MIB2: variants seen among roughly 807,000 people sequenced by gnomAD.
MIB2 encodes E3 ubiquitin-protein ligase MIB2.
A neutral mutation model predicts 96.6 loss-of-function variants in MIB2; 78 were observed. The ratio of observed to expected loss-of-function variants is 0.81; its 90% CI spans 0.67 to 0.97. The LOEUF is 0.97. Among genes scored for constraint, MIB2 ranks in the 50% least tolerant of loss-of-function variants. The pLI, the probability that MIB2 is intolerant of heterozygous loss-of-function variation, is 0.00. For synonymous variants in MIB2, 820 were observed against 629.5 expected (o/e 1.30, Z -4.53); for missense variants, 1,543 against 1,424.0 (o/e 1.08, Z -1.35).
At position 1,623,582 on chromosome 1, in the gene MIB2, A is replaced by G. The variant is rs1026784707; in HGVS notation, c.130A>G (p.Ser44Gly). ...GGTGGTGGAGCTTGGCCGCCACGGC[A>G]GCCCCTCGACACCCGACCGCACAGT... ...GTVVELGRHG[S>G]PSTPDRTVVV... The change falls in exon 3 of 20, where the codon AGC becomes GGC. Residue 44 changes from serine to glycine, a missense_variant. Transcript: ENST00000355826. 3.3e-6 allele frequency: 5 copies of G among 1,513,864 alleles called. No homozygotes were observed. Among genetic ancestry groups the G allele is most frequent in the African/African-American group, 2.8e-5 (2 of 71,812 alleles). The allele number at this position is 1,513,864 out of a possible 1,614,324, so 93.8% of individuals were successfully genotyped here. A position where few individuals can be genotyped will look rare whatever the true frequency, so the allele number is the denominator to read the frequency against.
intron 2 of MIB2, among the ~76,000 whole-genome samples, chr1:1,619,643 A>G (rs1225788083): frequency 6.6e-6 from 1 of 152,162 alleles, no homozygotes; most frequent in Non-Finnish European, 1.5e-5. Context: ...CCGGGTCTAC[A>G]GGCCCCTGTG....
chr1:1,624,822 C>T lies in MIB2; in HGVS notation c.447C>T (p.Leu149=). Residue 149 remains leucine, a synonymous_variant, in exon 5 of 20, where the codon CTC becomes CTT. Coordinates refer to ENST00000355826, the MANE Select transcript of MIB2 (RefSeq NM_001170687.4). ...TCACACTGAGTCCCCGCCAGGGCCTCCCGAGGATCCCACTAAGGGGCATCT... is the reference window on the plus strand; with the variant it reads ...TCACACTGAGTCCCCGCCAGGGCCTTCCGAGGATCCCACTAAGGGGCATCT... The part of the protein sequence containing the change: ...RPVTLSPRQG[L]PRIPLRGIFQ... The T allele has an allele frequency of 6.2e-7, 1 of 1,613,050 alleles. No homozygotes were observed.
In MIB2 at chr1:1,623,574, G is replaced by C. The variant is rs763099461; in HGVS notation, c.122G>C (p.Arg41Pro). The change falls in exon 3 of 20, where the codon CGC (arginine) becomes CCC (proline). Residue 41 changes from arginine to proline, a missense_variant. Physicochemically the swap from Arg to Pro is moderately radical, Grantham distance 103. Transcript: ENST00000355826. ...GTGGGCACGGTGGTGGAGCTTGGCC[G>C]CCACGGCAGCCCCTCGACACCCGAC... Reference protein sequence around the residue: ...GGVGTVVELGRHGSPSTPDRT... With the variant: ...GGVGTVVELGPHGSPSTPDRT... The C allele has an allele frequency of 6.6e-7, 1 of 1,515,840 alleles. No individual in the cohort carries two copies. Among genetic ancestry groups the C allele is most frequent in the Non-Finnish European group, 8.8e-7 (1 of 1,132,782 alleles). 93.9% of individuals were successfully genotyped at this position (1,515,840 alleles called of 1,614,324 possible). A position where few individuals can be genotyped will look rare whatever the true frequency, so the allele number is the denominator to read the frequency against.
rs554441765 is a variant in MIB2, at chr1:1,628,460, G to A, written c.1969-29G>A. The A allele has an allele frequency of 2.1e-5, 34 of 1,597,430 alleles. 1 individual carries two copies. In the South Asian group the frequency reaches 2.8e-4, roughly 13 times the overall value. On this transcript the variant is annotated intron_variant, in intron 15 of 19. Coordinates refer to ENST00000355826, the MANE Select transcript of MIB2 (RefSeq NM_001170687.4). The stretch of plus-strand genomic sequence containing the variant: ...GAGCGGGAGGCCCACTGGGGTCCCT[G>A]GGCTGAGCCCGTCCCCACCCCTCCC...
Position 1,625,155 on chromosome 1 carries a change from T to A in MIB2, c.691T>A (p.Phe231Ile). The A allele has an allele frequency of 6.2e-7, 1 of 1,612,346 alleles. No individual in the cohort carries two copies. The highest frequency in any genetic ancestry group is 1.1e-5 in the South Asian group (1 of 91,044). The stretch of plus-strand genomic sequence containing the variant: ...GTGTGTGGGCGAGGCAGCGGGCGGC[T>A]TCTACTACAAGGACCACCTCCCAAG... ...LKCVGEAAGG[F>I]YYKDHLPRLG... is the part of the protein sequence containing the mutation. The change falls in exon 6 of 20, where the codon TTC (phenylalanine) becomes ATC (isoleucine). Residue 231 changes from phenylalanine (F) to isoleucine (I), a missense_variant. By Grantham distance (21) the Phe-to-Ile change is conservative. Coordinates refer to ENST00000355826, the MANE Select transcript of MIB2 (RefSeq NM_001170687.4). The surrounding 1 kb of genome is among the most constrained non-coding windows in gnomAD (Gnocchi z 5.0).
chr1:1,624,139 C>A (rs758725920), intron 4 of MIB2, 194 bp downstream of exon 4: 12 of 640,844 alleles, frequency 1.9e-5, no homozygotes, highest in Non-Finnish European at 3.1e-5. Context: ...CTACAGGCAG[C>A]AGTGGCCATC....
At chr1:1,616,096 G>A in intron 1 of MIB2, 1 of 984,290 alleles carries the variant, frequency 1.0e-6, no homozygotes, top group Non-Finnish European at 1.2e-6. Context: ...AGTTGGGGTC[G>A]GCAGGTACTG....
At position 1,628,642 on chromosome 1, in the gene MIB2, G is replaced by A. The variant is rs1256430021; in HGVS notation, c.2122G>A (p.Ala708Thr). The change falls in exon 16 of 20, where the codon GCG becomes ACG. Residue 708 changes from alanine to threonine, a missense_variant. Ala to Thr is a moderately conservative substitution (Grantham distance 58). Transcript: ENST00000355826. ...DEEGDTALHV[A>T]LQRHQLLPLV... ...GGAGGGGGACACAGCCCTGCACGTG[G>A]CGCTGCAGCGTCATCAGCTGCTGCC... The A allele has an allele frequency of 1.9e-6, 3 of 1,594,098 alleles. No individual in the cohort carries two copies. The East Asian group carries it at 6.8e-5, about 36-fold the overall frequency.
At chr1:1,618,121 GTC>G (rs1452301180) in intron 2 of MIB2, 1 of 152,720 alleles carries the variant, frequency 6.5e-6, no homozygotes, top group Non-Finnish European at 1.5e-5. Context: ...GGCTGTGGCT[GTC>G]TCTGGTTTGT....
Position 1,622,441 on chromosome 1 carries a change from G to T in MIB2, c.-22-990G>T, listed in dbSNP as rs116649553. Reference sequence around the variant, plus strand: ...CACGTCTGCAGAGTGAGCTCTCGGGGGTCAGCGCCCAGACTGGGGATTAGC... The same window carrying T: ...CACGTCTGCAGAGTGAGCTCTCGGGTGTCAGCGCCCAGACTGGGGATTAGC... On this transcript the variant is annotated intron_variant, in intron 2 of 19. Coordinates refer to ENST00000355826, the MANE Select transcript of MIB2 (RefSeq NM_001170687.4). Among the ~76,000 whole-genome samples, 5 of 152,222 alleles carry T rather than the reference G, an allele frequency of 3.3e-5. No homozygotes were observed. In the East Asian group the frequency reaches 9.6e-4, roughly 29 times the overall value.
At position 1,624,970 on chromosome 1, in the gene MIB2, TG is replaced by T. The variant is rs761916274; in HGVS notation, c.527-14del. 5 of 1,607,942 alleles carry T rather than the reference TG, an allele frequency of 3.1e-6. No individual in the cohort carries two copies. In the South Asian group the frequency reaches 3.3e-5, roughly 11 times the overall value. On this transcript the variant is annotated intron_variant, in intron 5 of 19. Transcript: ENST00000355826. ...GGCTCATGGCTCAGCCTTAGCCTGC[TG>T]GGGGGGCCTCTTTCCCCAGGAGGGG...
chr1:1,628,966 C>G (rs562922542), intron 16 of MIB2, 167 bp from the exon 17 acceptor site: 16 of 777,776 alleles, frequency 2.1e-5, no homozygotes, highest in Admixed American at 3.5e-5. Context: ...CAGAGCTCAC[C>G]TAGCAGGGCG....
Position 1,628,545 on chromosome 1 carries a change from C to G in MIB2, c.2025C>G (p.Ala675=), listed in dbSNP as rs753391471. The change falls in exon 16 of 20, where the codon GCC becomes GCG. Residue 675 remains alanine (A), a synonymous_variant. Transcript: ENST00000355826. Reference sequence around the variant, plus strand: ...AGCTGCAGTCCCCGCTGCATCTCGCCGTGCAACAGGCCCACGTGGGGCTGG... The same window carrying G: ...AGCTGCAGTCCCCGCTGCATCTCGCGGTGCAACAGGCCCACGTGGGGCTGG... ...NRKLQSPLHL[A]VQQAHVGLVP... 1.7e-5 allele frequency: 27 copies of G among 1,601,594 alleles called. No homozygotes were observed. Among genetic ancestry groups the G allele is most frequent in the South Asian group, 3.3e-5 (3 of 90,706 alleles).
chr1:1,624,242 C>A (rs529826836), intron 4 of MIB2: 1 of 489,122 alleles, frequency 2.0e-6, no homozygotes, highest in African/African-American at 1.9e-5. Context: ...GGCTGCTGCG[C>A]TCTGGTCCGA....
At chr1:1,618,310 TAGG>T (rs1569599531) in intron 2 of MIB2, 1 of 152,084 alleles carries the variant, frequency 6.6e-6, no homozygotes. Flanking sequence ...AACAGAAAAA[TAGG>T]AGGGGGCAAC....
chr1:1,630,238 T>G, intron 19 of MIB2, 54 bp from the exon 20 acceptor site: 1 of 217,810 alleles, frequency 4.6e-6, no homozygotes, highest in Non-Finnish European at 6.8e-6. Flanking sequence ...AGCTCCCTGC[T>G]CCCCGCATTC....
In MIB2 at chr1:1,628,111, C is replaced by T. The variant is rs780345639; in HGVS notation, c.1773C>T (p.Ile591=). 6.8e-6 allele frequency: 11 copies of T among 1,613,240 alleles called. No homozygotes were observed. In the East Asian group the frequency reaches 8.9e-5, roughly 13 times the overall value. The stretch of plus-strand genomic sequence containing the variant: ...AGGTCCTCACGGAGGTGCCAAACAT[C>T]GATGTTACCGCCACCAACAGCCAGG... ...IVEVLTEVPN[I]DVTATNSQGF... is the part of the protein sequence containing the mutation. Residue 591 remains isoleucine, a synonymous_variant, in exon 14 of 20, where the codon ATC becomes ATT. Transcript: ENST00000355826.
At position 1,628,052 on chromosome 1, in the gene MIB2, ATC is replaced by A; in HGVS notation, c.1717_1718del (p.Ser573GlyfsTer87). The A allele has an allele frequency of 6.2e-7, 1 of 1,613,018 alleles. No homozygotes were observed. ...AHSDTPLHSA[I>X]SAGTGASGIV... ...CTCGGACACGCCCCTGCACTCCGCC[ATC>A]TCGGCGGGCACTGGAGCCAGCGGCA... On this transcript the variant is annotated frameshift_variant, in exon 14 of 20. Transcript: ENST00000355826. LOFTEE classifies it high-confidence loss of function.
Position 1,629,291 on chromosome 1 carries a change from GGGCTGCGCCCAGCGCTTCC to G in MIB2, c.2364_2381+1del. ...AGGGTCGCGTGCTCAAGGCCCTTCA[GGGCTGCGCCCAGCGCTTCC>G]GGTGAGTCCGTGGACGGCGGGGATG... On this transcript the variant is annotated frameshift_variant and splice_region_variant, in exon 17 of 20. Transcript: ENST00000355826. LOFTEE classifies it high-confidence loss of function. 1 of 1,518,458 alleles carries G rather than the reference GGGCTGCGCCCAGCGCTTCC, an allele frequency of 6.6e-7. No homozygotes were observed. Among genetic ancestry groups the G allele is most frequent in the Non-Finnish European group, 8.7e-7 (1 of 1,148,018 alleles). The allele number at this position is 1,518,458 out of a possible 1,614,324, so 94.1% of individuals were successfully genotyped here. A position where few individuals can be genotyped will look rare whatever the true frequency, so the allele number is the denominator to read the frequency against.
Sources: allele counts gnomAD v4.1 joint callset (sites outside exome capture counted in the v4.1 genomes callset), GRCh38; gene constraint gnomAD v4.1.1; non-coding constraint Gnocchi (gnomAD v3.1); transcripts MANE v1.5; gene names NCBI Gene and HGNC (gene_info 2026-07-23, HGNC 2026-07-21).